Variants in PAFAH1B1 observed in about 807,000 individuals in gnomAD.
PAFAH1B1 encodes platelet activating factor acetylhydrolase 1b regulatory subunit 1, also known as platelet-activating factor acetylhydrolase IB subunit beta.
Under a neutral mutation model 57.5 loss-of-function variants are expected in PAFAH1B1, and 2 were observed. The observed-to-expected ratio is 0.03, with a 90% CI of 0.01 to 0.11. The LOEUF is 0.11. PAFAH1B1 is among the 10% of genes least tolerant of loss of function. The probability of loss-of-function intolerance (pLI) is 1.00; values close to 1 mark genes in which losing one functional copy is unlikely to be tolerated. For missense variants in PAFAH1B1, 257 were observed against 512.0 expected, an observed-to-expected ratio of 0.50 and a Z score of 4.81; for synonymous variants, 152 against 169.6, an observed-to-expected ratio of 0.90 and a Z score of 0.81.
intron 1 of PAFAH1B1, among the ~76,000 whole-genome samples, chr17:2,626,553 TCCC>T (rs764519686): frequency 0.12 from 3,958 of 32,608 alleles, 895 homozygotes; most frequent in African/African-American, 0.35. Flanking sequence ...TCACCTTTCT[TCCC>T]CCCCCCCCCC....
At chr17:2,676,716 A>G in intron 9 of PAFAH1B1, 110 bp downstream of exon 9, 1 of 754,902 alleles carries the variant, frequency 1.3e-6, no homozygotes, top group Non-Finnish European at 2.4e-6. Flanking sequence ...GCTTTAAAAT[A>G]ACTTCTTTAT....
At chr17:2,647,266 T>C (rs945140352) in intron 2 of PAFAH1B1, among the ~76,000 whole-genome samples, 1 of 152,098 alleles carries the variant, frequency 6.6e-6, no homozygotes, top group African/African-American at 2.4e-5. Flanking sequence ...AGGTGCGAGC[T>C]GAGGCACGAG....
chr17:2,662,378 T>TTG (rs57918293), intron 2 of PAFAH1B1, among the ~76,000 whole-genome samples: 26,653 of 123,142 alleles, frequency 0.22, 3,031 homozygotes, highest in Admixed American at 0.32. Flanking sequence ...TTTAACCTCT[T>TTG]TGTGTGTGTG....
chr17:2,658,797 T>C (rs1183723402), intron 2 of PAFAH1B1, among the ~76,000 whole-genome samples: 2 of 152,204 alleles, frequency 1.3e-5, no homozygotes, highest in Non-Finnish European at 2.9e-5. Context: ...TGGAAGTAGT[T>C]ATCTTAGAAT....
chr17:2,594,988 C>T (rs775300437), intron 1 of PAFAH1B1, among the ~76,000 whole-genome samples: 11 of 152,138 alleles, frequency 7.2e-5, no homozygotes, highest in African/African-American at 1.2e-4. Flanking sequence ...GTTATGCTAC[C>T]TTTCTTCAGT....
intron 5 of PAFAH1B1, 121 bp from the exon 6 acceptor site, chr17:2,670,042 T>C (rs78897692): frequency 7.3e-6 from 6 of 821,536 alleles, no homozygotes; most frequent in South Asian, 1.4e-5. Context: ...AAAATAGTTA[T>C]CCTTTGTTAC....
chr17:2,619,764 A>T (rs2068394507), intron 1 of PAFAH1B1, among the ~76,000 whole-genome samples: 1 of 152,156 alleles, frequency 6.6e-6, no homozygotes, highest in African/African-American at 2.4e-5. Context: ...ACTGGGGTTT[A>T]GGGAGACTTT....
intron 8 of PAFAH1B1, 53 bp downstream of exon 8, chr17:2,674,341 T>TC: frequency 3.7e-6 from 5 of 1,346,954 alleles, no homozygotes; most frequent in Non-Finnish European, 5.3e-6. Flanking sequence ...CTGAAGTCCT[T>TC]AGATAACTTT....
intron 1 of PAFAH1B1, among the ~76,000 whole-genome samples, chr17:2,596,275 G>T (rs927531328): frequency 6.6e-6 from 1 of 152,076 alleles, no homozygotes; most frequent in Admixed American, 6.6e-5. Context: ...ATAAATTAAT[G>T]TCAGAAATAT....
At chr17:2,653,274 G>GT (rs1353403561) in intron 2 of PAFAH1B1, among the ~76,000 whole-genome samples, 2 of 152,140 alleles carry the variant, frequency 1.3e-5, no homozygotes, top group African/African-American at 4.8e-5. Context: ...CTGTCGTGAG[G>GT]TGAGGGGAGA....
chr17:2,670,446 G>T (rs1181125047), intron 6 of PAFAH1B1, 115 bp downstream of exon 6: 8 of 1,006,572 alleles, frequency 7.9e-6, no homozygotes, highest in African/African-American at 1.6e-5. Flanking sequence ...GTCAGTATTG[G>T]TGGAAGAGCA....
chr17:2,650,977 T>C (rs2068841705), intron 2 of PAFAH1B1, among the ~76,000 whole-genome samples: 1 of 152,196 alleles, frequency 6.6e-6, no homozygotes, highest in Non-Finnish European at 1.5e-5. Context: ...TTTAGATTCA[T>C]ATTTGGGAAG....
chr17:2,628,759 T>G (rs1276391240), intron 1 of PAFAH1B1, among the ~76,000 whole-genome samples: 1 of 152,188 alleles, frequency 6.6e-6, no homozygotes, highest in Non-Finnish European at 1.5e-5. Flanking sequence ...ACCGTTTCAG[T>G]GTCACTGCTT....
In PAFAH1B1 at chr17:2,593,772, C is replaced by A; in HGVS notation, c.-425C>A. The A allele has an allele frequency of 2.6e-6, 1 of 390,308 alleles. No homozygotes were observed. Among genetic ancestry groups the A allele is most frequent in the South Asian group, 1.3e-4 (1 of 7,572 alleles). 24.2% of individuals were successfully genotyped at this position (390,308 alleles called of 1,614,324 possible). A position where few individuals can be genotyped will look rare whatever the true frequency, so the allele number is the denominator to read the frequency against. On this transcript the variant is annotated 5_prime_UTR_variant, in exon 1 of 11. Transcript: ENST00000397195. ...CGAGAAGGAGAAGGAGGGGAGCGCT[C>A]GGGCGCGAGCGAGAGAAACCGCGAG...
At chr17:2,620,194 T>C (rs528340965) in intron 1 of PAFAH1B1, among the ~76,000 whole-genome samples, 1 of 152,348 alleles carries the variant, frequency 6.6e-6, no homozygotes, top group South Asian at 2.1e-4. Context: ...CTTAGAACTT[T>C]AGGTGAGATT....
At chr17:2,644,484 G>A (rs1202598421) in intron 2 of PAFAH1B1, among the ~76,000 whole-genome samples, 4 of 151,808 alleles carry the variant, frequency 2.6e-5, no homozygotes, top group Admixed American at 6.6e-5. Context: ...CGGAGGTTGC[G>A]GTGAGCCGCG....
chr17:2,677,084 T>C lies in PAFAH1B1; in HGVS notation c.1002+478T>C, dbSNP rs866929083. Among the ~76,000 whole-genome samples the C allele has an allele frequency of 4.0e-4, 60 of 151,748 alleles. 1 individual carries two copies. Among genetic ancestry groups the C allele is most frequent in the Middle Eastern group, 6.8e-3 (2 of 294 alleles). On this transcript the variant is annotated intron_variant, in intron 9 of 10. Transcript: ENST00000397195. ...AGGAGAATGGCGTGAACCCGGGAGG[T>C]GGAGCTTGCAGTGAGCCGAGATTGT... is the stretch of plus-strand genomic sequence containing the variant.
chr17:2,649,463 A>G (rs974324861), intron 2 of PAFAH1B1, among the ~76,000 whole-genome samples: 1 of 150,348 alleles, frequency 6.7e-6, no homozygotes, highest in Non-Finnish European at 1.5e-5. Flanking sequence ...AGTCCCACAT[A>G]CTTGGGAGGC....
chr17:2,613,808 G>T, intron 1 of PAFAH1B1: 1 of 288,880 alleles, frequency 3.5e-6, no homozygotes, highest in Non-Finnish European at 7.1e-6. Context: ...GATGCCGGGC[G>T]AGCATCTCCA....
Sources: allele counts gnomAD v4.1 joint callset (sites outside exome capture counted in the v4.1 genomes callset), GRCh38; gene constraint gnomAD v4.1.1; transcripts MANE v1.5; gene names NCBI Gene and HGNC (gene_info 2026-07-23, HGNC 2026-07-21).